Variants in ATP2C2 observed in about 807,000 individuals in gnomAD.
ATP2C2 encodes the protein calcium-transporting ATPase type 2C member 2.
In ATP2C2, 171 loss-of-function variants were observed where a neutral mutation model predicts 110.8. That is an observed-to-expected ratio of 1.54 (90% CI 1.36 to 1.75). The LOEUF is 1.75. ATP2C2 is among the 40% of genes most tolerant of loss of function. ATP2C2 has a pLI of 0.00. For synonymous variants in ATP2C2, 804 were observed against 508.4 expected, an observed-to-expected ratio of 1.58 and a Z score of -7.82; for missense variants, 1,963 against 1,235.0, an observed-to-expected ratio of 1.59 and a Z score of -8.84.
Position 84,422,545 on chromosome 16 carries a change from C to A in ATP2C2, c.774+6C>A. Reference sequence around the variant, plus strand: ...TGCAGTATGGGAGGGGCCAGGTAAGCCCTGGGACACCGAGGCCTTGGGCTC... The same window carrying A: ...TGCAGTATGGGAGGGGCCAGGTAAGACCTGGGACACCGAGGCCTTGGGCTC... On this transcript the variant is annotated splice_donor_region_variant and intron_variant, in intron 8 of 26. Transcript: ENST00000262429. 6.2e-7 allele frequency: 1 copy of A among 1,613,190 alleles called. No individual in the cohort carries two copies. The highest frequency in any genetic ancestry group is 8.5e-7 in the Non-Finnish European group (1 of 1,179,574).
intron 1 of ATP2C2, 79 bp from the exon 2 acceptor site, chr16:84,398,420 A>C: frequency 1.1e-6 from 1 of 885,000 alleles, no homozygotes; most frequent in Non-Finnish European, 1.6e-6. Flanking sequence ...AAATAAACTA[A>C]TAAAAATAAA....
intron 2 of ATP2C2, chr16:84,404,409 C>T (rs778141531): frequency 3.4e-4 from 54 of 159,950 alleles, no homozygotes; most frequent in Non-Finnish European, 6.2e-4. Flanking sequence ...TTTGACTAGT[C>T]TATGTAATTC....
chr16:84,410,634 A>C (rs1300298186), intron 5 of ATP2C2, 31 bp downstream of exon 5: 1 of 1,613,852 alleles, frequency 6.2e-7, no homozygotes, highest in Admixed American at 1.7e-5. Flanking sequence ...CAGTCAGGGT[A>C]AGCTGGGCGG....
chr16:84,398,379 C>T lies in ATP2C2; in HGVS notation c.100-120C>T, dbSNP rs559069977. On this transcript the variant is annotated intron_variant, in intron 1 of 26. Coordinates refer to ENST00000262429, the MANE Select transcript of ATP2C2 (RefSeq NM_014861.4). ...TGAGATCATGACACTGCACTCCAGC[C>T]TGGGTGACAGAGTGAGACTCCATCT... 1.2e-3 allele frequency: 562 copies of T among 484,330 alleles called. 2 individuals carry two copies. The highest frequency in any genetic ancestry group is 9.5e-3 in the African/African-American group (463 of 48,730). The allele number at this position is 484,330 out of a possible 1,614,324, so 30.0% of individuals were successfully genotyped here.
In ATP2C2 at chr16:84,460,173, T is replaced by C. The variant is rs182549459; in HGVS notation, c.2334-481T>C. ...GGGAGCAGAAGTGGGACCAGGAAGCTGGCCTCAGCTGTGTCTGAGCGGCAG... is the reference window on the plus strand; with the variant it reads ...GGGAGCAGAAGTGGGACCAGGAAGCCGGCCTCAGCTGTGTCTGAGCGGCAG... On this transcript the variant is annotated intron_variant, in intron 23 of 26. Coordinates refer to ENST00000262429, the MANE Select transcript of ATP2C2 (RefSeq NM_014861.4). The C allele has an allele frequency of 5.2e-4, 105 of 200,142 alleles. 2 individuals carry two copies. The East Asian group carries it at 0.01, about 20-fold the overall frequency. The allele number at this position is 200,142 out of a possible 1,614,324, so 12.4% of individuals were successfully genotyped here. A position where few individuals can be genotyped will look rare whatever the true frequency, so the allele number is the denominator to read the frequency against.
intron 24 of ATP2C2, chr16:84,461,467 G>T: frequency 3.4e-6 from 2 of 586,196 alleles, no homozygotes; most frequent in South Asian, 2.0e-5. Context: ...TGGAGGAAGT[G>T]GTGTTTCCTC....
rs1006651717 is a variant in ATP2C2, at chr16:84,463,170, G to A, written c.2723-444G>A. ...GGTTCCTCAAAACAGCATGTGACAGGAGCAGAGGGAGACGCTGGGAATTCA... is the reference window on the plus strand; with the variant it reads ...GGTTCCTCAAAACAGCATGTGACAGAAGCAGAGGGAGACGCTGGGAATTCA... On this transcript the variant is annotated intron_variant, in intron 26 of 26. Coordinates refer to ENST00000262429, the MANE Select transcript of ATP2C2 (RefSeq NM_014861.4). 2.6e-5 allele frequency among the ~76,000 whole-genome samples: 4 copies of A among 152,110 alleles called. No individual in the cohort carries two copies. The East Asian group carries it at 7.7e-4, about 29-fold the overall frequency.
intron 23 of ATP2C2, chr16:84,460,024 G>C (rs989588658): frequency 4.6e-6 from 1 of 215,328 alleles, no homozygotes; most frequent in Non-Finnish European, 9.4e-6. Flanking sequence ...TGAGCACAGA[G>C]CCAGTGCTTC....
chr16:84,447,120 C>A (rs2150576015), intron 16 of ATP2C2, among the ~76,000 whole-genome samples: 1 of 152,116 alleles, frequency 6.6e-6, no homozygotes, highest in East Asian at 1.9e-4. Flanking sequence ...GTTTTTGTTG[C>A]CTTCTACCGT....
intron 11 of ATP2C2, among the ~76,000 whole-genome samples, chr16:84,435,148 A>G (rs1908625970): frequency 6.6e-6 from 1 of 152,256 alleles, no homozygotes; most frequent in African/African-American, 2.4e-5. Flanking sequence ...ATTTGTTGCC[A>G]ACATTTAATG....
intron 15 of ATP2C2, among the ~76,000 whole-genome samples, chr16:84,443,910 A>T (rs905015386): frequency 6.6e-6 from 1 of 152,164 alleles, no homozygotes; most frequent in African/African-American, 2.4e-5. Context: ...GCAGTGGCTC[A>T]AATCCCAGCA....
intron 1 of ATP2C2, among the ~76,000 whole-genome samples, chr16:84,377,651 C>T (rs72804636): frequency 2.6e-4 from 39 of 152,178 alleles, no homozygotes; most frequent in Non-Finnish European, 4.1e-4. Context: ...GCTGTAATGA[C>T]CTCTTTAAAG....
rs774395463 is a variant in ATP2C2 at position 84,452,129 on chromosome 16, C to A, written c.1831+38C>A. The A allele has an allele frequency of 4.4e-6, 7 of 1,608,312 alleles. No individual in the cohort carries two copies. In the African/African-American group the frequency reaches 6.7e-5, roughly 15 times the overall value. On this transcript the variant is annotated intron_variant, in intron 18 of 26. Coordinates refer to ENST00000262429, the MANE Select transcript of ATP2C2 (RefSeq NM_014861.4). ...GGGTCGGGGGTGAGGACGAAAGGAC[C>A]CATCCATCCTTTACGATGGGGGGCT...
At chr16:84,456,133 C>T (rs1387732847) in intron 21 of ATP2C2, among the ~76,000 whole-genome samples, 1 of 111,418 alleles carries the variant, frequency 9.0e-6, no homozygotes, top group Non-Finnish European at 1.8e-5. Context: ...CAGAATGATG[C>T]TGGCCTCATA....
intron 20 of ATP2C2, among the ~76,000 whole-genome samples, 169 bp from the exon 21 acceptor site, chr16:84,454,649 G>C (rs528394654): frequency 6.6e-6 from 1 of 152,356 alleles, no homozygotes; most frequent in South Asian, 2.1e-4. Flanking sequence ...CTGAGGTCAA[G>C]AGGGTCAAGG....
intron 1 of ATP2C2, among the ~76,000 whole-genome samples, chr16:84,382,024 T>C (rs1296041013): frequency 6.6e-6 from 1 of 152,196 alleles, no homozygotes; most frequent in African/African-American, 2.4e-5. Context: ...CTGGGATACA[T>C]GTGCAGAACG....
intron 11 of ATP2C2, among the ~76,000 whole-genome samples, chr16:84,428,163 C>T (rs1437090994): frequency 1.3e-5 from 2 of 152,170 alleles, no homozygotes; most frequent in Admixed American, 6.5e-5. Flanking sequence ...GTCCTGCTGG[C>T]CAGTGTGGGC....
At chr16:84,401,559 T>C (rs1310863635) in intron 2 of ATP2C2, among the ~76,000 whole-genome samples, 1 of 152,198 alleles carries the variant, frequency 6.6e-6, no homozygotes, top group Non-Finnish European at 1.5e-5. Context: ...GAGATTTTGT[T>C]TTCCTGGTAC....
intron 1 of ATP2C2, among the ~76,000 whole-genome samples, chr16:84,371,368 G>T (rs1909943883): frequency 6.6e-6 from 1 of 152,188 alleles, no homozygotes; most frequent in African/African-American, 2.4e-5. Flanking sequence ...AATTAGGCGT[G>T]GTGGTGTGCA....
Sources: gnomAD v4.1 joint callset for allele counts (sites outside exome capture counted in the v4.1 genomes callset) on GRCh38, gnomAD v4.1.1 for gene constraint, MANE v1.5 for transcripts, NCBI Gene and HGNC (gene_info 2026-07-23, HGNC 2026-07-21) for gene names.